Variants in MOB3B observed in about 807,000 individuals in gnomAD.
MOB3B encodes MOB kinase activator-like 2B.
A neutral mutation model predicts 18.7 loss-of-function variants in MOB3B; 7 were observed. The ratio of observed to expected loss-of-function variants is 0.37; its 90% confidence interval spans 0.21 to 0.70. The LOEUF is 0.70. MOB3B is among the 30% of genes least tolerant of loss of function. MOB3B has a pLI of 0.52. For missense variants in MOB3B, 253 were observed against 281.3 expected (o/e 0.90, Z 0.72); for synonymous variants, 111 against 99.9 (o/e 1.11, Z -0.66).
chr9:27,397,276 G>A (rs1306037678), intron 2 of MOB3B: 3 of 150,368 alleles, frequency 2.0e-5, no homozygotes, highest in African/African-American at 7.4e-5. Flanking sequence ...GAGACACTAC[G>A]ATTATGAGTT....
At chr9:27,488,653 C>A (rs1819767623) in intron 1 of MOB3B, among the ~76,000 whole-genome samples, 1 of 152,166 alleles carries the variant, frequency 6.6e-6, no homozygotes, top group African/African-American at 2.4e-5. Context: ...CGTGGTCTAC[C>A]CATCTCCGCC....
At chr9:27,382,091 A>T (rs544494006) in intron 2 of MOB3B, among the ~76,000 whole-genome samples, 1 of 152,236 alleles carries the variant, frequency 6.6e-6, no homozygotes, top group South Asian at 2.1e-4. Context: ...TATTTCGTCT[A>T]AGTGTCAGCT....
intron 2 of MOB3B, among the ~76,000 whole-genome samples, chr9:27,450,400 G>A (rs1035856275): frequency 6.6e-6 from 1 of 152,092 alleles, no homozygotes; most frequent in Non-Finnish European, 1.5e-5. Context: ...CCAGCAGAGG[G>A]TTTTCATGAG....
At chr9:27,470,067 T>A (rs1172045715) in intron 1 of MOB3B, among the ~76,000 whole-genome samples, 4 of 142,710 alleles carry the variant, frequency 2.8e-5, no homozygotes, top group African/African-American at 5.2e-5. Flanking sequence ...TATAATCATG[T>A]CACTGCATTC....
chr9:27,519,720 T>C (rs2131506733), intron 1 of MOB3B, among the ~76,000 whole-genome samples: 1 of 152,306 alleles, frequency 6.6e-6, no homozygotes. Context: ...GTTTGAATTT[T>C]TACCATATGC....
intron 2 of MOB3B, among the ~76,000 whole-genome samples, chr9:27,369,418 C>T (rs2131365314): frequency 6.6e-6 from 1 of 152,360 alleles, no homozygotes; most frequent in South Asian, 2.1e-4. Flanking sequence ...CACCTCCTGC[C>T]TAGTTTATGC....
chr9:27,522,199 G>T (rs1403755905), intron 1 of MOB3B, among the ~76,000 whole-genome samples: 1 of 122,084 alleles, frequency 8.2e-6, no homozygotes, highest in Non-Finnish European at 1.6e-5. Context: ...CCGAGATCGC[G>T]CCACTGCACT....
At chr9:27,464,726 C>T (rs138380280) in intron 1 of MOB3B, among the ~76,000 whole-genome samples, 1 of 152,252 alleles carries the variant, frequency 6.6e-6, no homozygotes, top group East Asian at 1.9e-4. Context: ...TTCCACATGG[C>T]TGGGGAGGCC....
At chr9:27,340,984 G>A (rs575162557) in intron 3 of MOB3B, among the ~76,000 whole-genome samples, 41 of 152,310 alleles carry the variant, frequency 2.7e-4, no homozygotes, top group African/African-American at 7.9e-4. Context: ...GCACCCACCC[G>A]CTTTGAGGAA....
chr9:27,334,712 A>T (rs181369567), intron 3 of MOB3B, among the ~76,000 whole-genome samples: 28 of 152,388 alleles, frequency 1.8e-4, no homozygotes, highest in Non-Finnish European at 1.9e-4. Flanking sequence ...AAGTAAAATG[A>T]CTTATTCCAA....
At chr9:27,378,629 C>G (rs1821525952) in intron 2 of MOB3B, 2 of 471,016 alleles carry the variant, frequency 4.2e-6, no homozygotes, top group South Asian at 1.5e-5. Flanking sequence ...GCTTTCTGGT[C>G]CATTCTCCCA....
intron 1 of MOB3B, among the ~76,000 whole-genome samples, chr9:27,508,426 A>G (rs927566230): frequency 6.6e-6 from 1 of 152,034 alleles, no homozygotes; most frequent in Non-Finnish European, 1.5e-5. Flanking sequence ...CCATTCAAGA[A>G]GTCCTGGCAG....
intron 1 of MOB3B, among the ~76,000 whole-genome samples, chr9:27,469,460 C>T (rs910549589): frequency 5.9e-5 from 9 of 152,288 alleles, no homozygotes; most frequent in Admixed American, 3.9e-4. Context: ...CACAACACCA[C>T]GACATTAATT....
intron 1 of MOB3B, among the ~76,000 whole-genome samples, chr9:27,457,746 G>C (rs1819202783): frequency 6.6e-6 from 1 of 151,946 alleles, no homozygotes; most frequent in African/African-American, 2.4e-5. Context: ...CCACCAAAGA[G>C]ATCCATGTGG....
chr9:27,502,558 T>C (rs1378040880), intron 1 of MOB3B, among the ~76,000 whole-genome samples: 2 of 152,214 alleles, frequency 1.3e-5, no homozygotes, highest in East Asian at 3.8e-4. Context: ...GTGTGAAGAC[T>C]AATGTCCTGA....
intron 3 of MOB3B, among the ~76,000 whole-genome samples, chr9:27,347,921 T>C (rs28539153): frequency 0.11 from 17,375 of 152,244 alleles, 2,617 homozygotes; most frequent in African/African-American, 0.35. Context: ...GTAAGTATAC[T>C]CTATGATCTT....
At chr9:27,336,555 A>G (rs920058912) in intron 3 of MOB3B, among the ~76,000 whole-genome samples, 5 of 152,136 alleles carry the variant, frequency 3.3e-5, no homozygotes, top group African/African-American at 9.6e-5. Flanking sequence ...TGACTGTTAT[A>G]TACGTGAACT....
At chr9:27,490,761 G>A (rs1459486383) in intron 1 of MOB3B, among the ~76,000 whole-genome samples, 1 of 152,090 alleles carries the variant, frequency 6.6e-6, no homozygotes, top group Non-Finnish European at 1.5e-5. Context: ...CTTTACACTG[G>A]ACCTTGATGC....
chr9:27,404,115 C>T (rs1237182129), intron 2 of MOB3B, among the ~76,000 whole-genome samples: 1 of 151,920 alleles, frequency 6.6e-6, no homozygotes, highest in Non-Finnish European at 1.5e-5. Flanking sequence ...TCTGGGTAAC[C>T]ATCATTCTAT....
Sources: allele counts gnomAD v4.1 joint callset (sites outside exome capture counted in the v4.1 genomes callset), GRCh38; gene constraint gnomAD v4.1.1; transcripts MANE v1.5; gene names NCBI Gene and HGNC (gene_info 2026-07-23, HGNC 2026-07-21).